Variants in FAF2 observed in about 807,000 individuals in gnomAD.
The protein encoded by FAF2 is Fas associated factor family member 2.
Under a neutral mutation model 62.3 loss-of-function variants are expected in FAF2, and 9 were observed. The observed-to-expected ratio is 0.14, with a 90% CI of 0.09 to 0.25. FAF2 has a LOEUF of 0.25. FAF2 is among the 10% of genes least tolerant of loss of function. FAF2 has a pLI of 1.00. For synonymous variants in FAF2, 202 were observed against 198.0 expected, an observed-to-expected ratio of 1.02 and a Z score of -0.17; for missense variants, 368 against 556.2, an observed-to-expected ratio of 0.66 and a Z score of 3.40.
intron 7 of FAF2, among the ~76,000 whole-genome samples, chr5:176,495,239 C>T (rs551085945): frequency 4.6e-5 from 7 of 152,184 alleles, no homozygotes; most frequent in African/African-American, 7.2e-5. Flanking sequence ...ATGCCACATA[C>T]TGTGCCATGT....
At chr5:176,450,648 G>T (rs892878767) in intron 1 of FAF2, among the ~76,000 whole-genome samples, 7 of 151,762 alleles carry the variant, frequency 4.6e-5, no homozygotes, top group African/African-American at 1.7e-4. Context: ...CCGCCTTCCA[G>T]TTTCAAGCGA....
At chr5:176,480,343 A>G (rs1189559320) in intron 2 of FAF2, among the ~76,000 whole-genome samples, 1 of 149,124 alleles carries the variant, frequency 6.7e-6, no homozygotes, top group Non-Finnish European at 1.5e-5. Flanking sequence ...TGATTTCGTT[A>G]TTCAACACAT....
chr5:176,467,129 CTTTTTTTTTTTTTTT>C (rs374702773), intron 1 of FAF2, among the ~76,000 whole-genome samples: 3 of 94,050 alleles, frequency 3.2e-5, no homozygotes, highest in Non-Finnish European at 5.8e-5. Context: ...TTTTTTTTTC[CTTTTTTTTTTTTTTT>C]TTTTTTTTTG....
rs144342368 is a variant in FAF2 at position 176,496,061 on chromosome 5, C to T, written c.662-425C>T. 2.0e-3 allele frequency among the ~76,000 whole-genome samples: 312 copies of T among 152,256 alleles called. 5 individuals are homozygous for T. Among genetic ancestry groups the T allele is most frequent in the African/African-American group, 7.3e-3 (303 of 41,534 alleles). On this transcript the variant is annotated intron_variant, in intron 7 of 10. Transcript: ENST00000261942. ...TTTGTACCATCAAGTAGACATTATC[C>T]TTAAACTCTGCAGCCTTCCCTGGCA...
chr5:176,491,073 A>G (rs1202553560), intron 4 of FAF2, among the ~76,000 whole-genome samples: 2 of 152,202 alleles, frequency 1.3e-5, no homozygotes, highest in Non-Finnish European at 2.9e-5. Flanking sequence ...GGGATAATGA[A>G]TTGACTCACT....
chr5:176,459,166 T>TC (rs1474821013), intron 1 of FAF2, among the ~76,000 whole-genome samples: 5 of 152,142 alleles, frequency 3.3e-5, no homozygotes, highest in African/African-American at 9.6e-5. Flanking sequence ...TTCTTTTTTT[T>TC]CTCTTTCTCT....
Position 176,496,559 on chromosome 5 carries a change from G to A in FAF2, c.735G>A (p.Val245=), listed in dbSNP as rs1235350870. 1 of 1,613,332 alleles carries A rather than the reference G, an allele frequency of 6.2e-7. No individual in the cohort carries two copies. Among genetic ancestry groups the A allele is most frequent in the Admixed American group, 1.7e-5 (1 of 59,920 alleles). The change falls in exon 8 of 11, where the codon GTG becomes GTA. Residue 245 remains valine (V), a synonymous_variant. Coordinates refer to ENST00000261942, the MANE Select transcript of FAF2 (RefSeq NM_014613.3). ...TGCTGAAGGATCGAAGGATGACTGT[G>A]GTGGGACGGCTAGAAGGCCTCATTC... The part of the protein sequence containing the change: ...MIMLKDRRMT[V]VGRLEGLIQP...
intron 1 of FAF2, among the ~76,000 whole-genome samples, chr5:176,456,764 G>A (rs1231191763): frequency 6.6e-6 from 1 of 152,134 alleles, no homozygotes; most frequent in Non-Finnish European, 1.5e-5. Flanking sequence ...GAGTTTTCCT[G>A]TTTATTTGCT....
intron 2 of FAF2, among the ~76,000 whole-genome samples, chr5:176,484,601 G>A (rs1470485537): frequency 6.6e-6 from 1 of 152,142 alleles, no homozygotes; most frequent in Non-Finnish European, 1.5e-5. Context: ...TAAGTGAAAA[G>A]GTTAAAGTTC....
At chr5:176,487,700 G>C (rs894964717) in intron 3 of FAF2, among the ~76,000 whole-genome samples, 1 of 152,062 alleles carries the variant, frequency 6.6e-6, no homozygotes, top group Non-Finnish European at 1.5e-5. Context: ...ATAATAATTA[G>C]CATTATTACT....
chr5:176,492,084 C>A (rs1758979914), intron 4 of FAF2, 110 bp from the exon 5 acceptor site: 2 of 1,244,360 alleles, frequency 1.6e-6, no homozygotes, highest in Non-Finnish European at 2.3e-6. Context: ...CTGTTCACCT[C>A]CCTTTGTTGC....
intron 1 of FAF2, among the ~76,000 whole-genome samples, chr5:176,464,768 TC>T (rs1480330367): frequency 1.8e-4 from 28 of 151,958 alleles, no homozygotes; most frequent in Admixed American, 1.6e-3. Flanking sequence ...TTAAAGACCT[TC>T]CCTTATGTGA....
intron 2 of FAF2, among the ~76,000 whole-genome samples, chr5:176,481,610 A>G (rs2913745): frequency 0.83 from 126,176 of 151,606 alleles, 52,664 homozygotes; most frequent in African/African-American, 0.91. Flanking sequence ...TGAGCTGAGA[A>G]CATGCCACTG....
chr5:176,478,010 T>G (rs1160386953), intron 1 of FAF2, among the ~76,000 whole-genome samples: 1 of 152,186 alleles, frequency 6.6e-6, no homozygotes, highest in African/African-American at 2.4e-5. Context: ...CTGTACAGAA[T>G]AGGCATGTAG....
intron 1 of FAF2, among the ~76,000 whole-genome samples, chr5:176,457,911 C>G (rs759884574): frequency 8.5e-5 from 13 of 152,170 alleles, no homozygotes; most frequent in Non-Finnish European, 1.5e-4. Flanking sequence ...AGTCACAGTC[C>G]TTAGTTAACC....
chr5:176,476,153 G>A (rs147672490), intron 1 of FAF2, among the ~76,000 whole-genome samples: 8 of 152,196 alleles, frequency 5.3e-5, no homozygotes, highest in African/African-American at 1.7e-4. Flanking sequence ...CCAGCTGCTC[G>A]GAGGCTGAGA....
rs70991555 is a variant in FAF2, at chr5:176,471,684, C to CT, written c.64-7488dup. ...AGGCATGAGCCACCACGCCCGGCCT[C>CT]TTTTTTTTTTTTTTTTGAGATGGAG... On this transcript the variant is annotated intron_variant, in intron 1 of 10. Coordinates refer to ENST00000261942, the MANE Select transcript of FAF2 (RefSeq NM_014613.3). 6.4e-3 allele frequency among the ~76,000 whole-genome samples: 782 copies of CT among 122,596 alleles called. 6 individuals carry two copies. The highest frequency in any genetic ancestry group is 0.02 in the African/African-American group (652 of 32,102). 80.4% of individuals were successfully genotyped at this position (122,596 alleles called of 152,430 possible).
At chr5:176,486,910 T>C (rs531785160) in intron 3 of FAF2, among the ~76,000 whole-genome samples, 22 of 152,342 alleles carry the variant, frequency 1.4e-4, no homozygotes, top group Non-Finnish European at 2.5e-4. Flanking sequence ...TCCAATAACC[T>C]GGTATCTTGC....
chr5:176,479,058 GT>G (rs2113732569), intron 1 of FAF2, 129 bp from the exon 2 acceptor site: 2 of 744,580 alleles, frequency 2.7e-6, no homozygotes, highest in Non-Finnish European at 4.8e-6. Context: ...AATCGGTGAA[GT>G]TTTACCATAC....
Sources: gnomAD v4.1 joint callset for allele counts (sites outside exome capture counted in the v4.1 genomes callset) on GRCh38, gnomAD v4.1.1 for gene constraint, MANE v1.5 for transcripts, NCBI Gene and HGNC (gene_info 2026-07-23, HGNC 2026-07-21) for gene names.